The following MALRD1 variants were observed in gnomAD, a reference collection of about 807,000 sequenced individuals.
MALRD1 encodes the protein MAM and LDL receptor class A domain containing 1, also known as MAM and LDL-receptor class A domain-containing protein 1.
MALRD1 carries 247 observed loss-of-function variants against 242.1 expected under a neutral mutation model. That is an observed-to-expected ratio of 1.02 (90% CI 0.92 to 1.13). The LOEUF (loss-of-function observed/expected upper bound fraction) is 1.13. Ranked by LOEUF, MALRD1 falls within the 50% of genes most tolerant of loss-of-function variation. MALRD1 has a pLI of 0.00. For synonymous variants in MALRD1, 995 were observed against 866.6 expected (o/e 1.15, Z -2.60); for missense variants, 2,989 against 2,533.1 (o/e 1.18, Z -3.86).
intron 28 of MALRD1, among the ~76,000 whole-genome samples, chr10:19,448,813 A>C (rs927626527): frequency 6.6e-6 from 1 of 151,902 alleles, no homozygotes; most frequent in Admixed American, 6.6e-5. Flanking sequence ...AGAATTTATG[A>C]AAATCAAAAT....
intron 28 of MALRD1, among the ~76,000 whole-genome samples, chr10:19,414,426 GT>G (rs1833420461): frequency 1.3e-5 from 2 of 152,294 alleles, no homozygotes; most frequent in East Asian, 3.9e-4. Context: ...AAGATCCTAA[GT>G]TTTTTATTTG....
At chr10:19,597,807 AGG>A (rs1838173712) in intron 34 of MALRD1, among the ~76,000 whole-genome samples, 1 of 152,202 alleles carries the variant, frequency 6.6e-6, no homozygotes, top group African/African-American at 2.4e-5. Context: ...CTATGGTGCT[AGG>A]GATTCTTTAC....
At chr10:19,251,465 A>G (rs753396121) in intron 18 of MALRD1, among the ~76,000 whole-genome samples, 1 of 151,982 alleles carries the variant, frequency 6.6e-6, no homozygotes, top group Non-Finnish European at 1.5e-5. Context: ...ACTGTCTGAC[A>G]TGCAGGTAAA....
rs980931696 is a variant in MALRD1, at chr10:19,586,883, G to C, written c.5681-8311G>C. 5.9e-5 allele frequency among the ~76,000 whole-genome samples: 9 copies of C among 152,336 alleles called. No homozygotes were observed. In the Middle Eastern group the frequency reaches 0.01, roughly 173 times the overall value. The stretch of plus-strand genomic sequence containing the variant: ...CTGCGTTAGCAATCAGCGAGACTCC[G>C]TGGGCCTAGGACACTCCGAGCCAGG... On this transcript the variant is annotated intron_variant, in intron 33 of 39. Transcript: ENST00000454679.
At chr10:19,375,876 C>T (rs1421475286) in intron 26 of MALRD1, among the ~76,000 whole-genome samples, 6 of 152,214 alleles carry the variant, frequency 3.9e-5, no homozygotes, top group African/African-American at 1.4e-4. Context: ...GTAATCCCAG[C>T]ACTTTGGGAG....
intron 36 of MALRD1, among the ~76,000 whole-genome samples, chr10:19,625,724 CATT>C (rs1757635514): frequency 6.6e-6 from 1 of 152,098 alleles, no homozygotes; most frequent in African/African-American, 2.4e-5. Flanking sequence ...TGAAATATAT[CATT>C]AATAGTTGTT....
intron 18 of MALRD1, among the ~76,000 whole-genome samples, chr10:19,227,120 A>C (rs1837833191): frequency 6.6e-6 from 1 of 151,968 alleles, no homozygotes; most frequent in Non-Finnish European, 1.5e-5. Flanking sequence ...TCAAACCTAT[A>C]GGCCTTTTTG....
chr10:19,359,605 C>T (rs1341693720), intron 26 of MALRD1, among the ~76,000 whole-genome samples: 1 of 151,746 alleles, frequency 6.6e-6, no homozygotes, highest in African/African-American at 2.4e-5. Flanking sequence ...TTTTGTCTAA[C>T]TTGAGCTATA....
At chr10:19,511,370 G>A (rs1833394134) in intron 31 of MALRD1, among the ~76,000 whole-genome samples, 1 of 152,060 alleles carries the variant, frequency 6.6e-6, no homozygotes, top group South Asian at 2.1e-4. Context: ...ACAACAGACA[G>A]TTCCCTTTAA....
intron 18 of MALRD1, among the ~76,000 whole-genome samples, chr10:19,239,574 C>T (rs1838665171): frequency 6.6e-6 from 1 of 152,080 alleles, no homozygotes; most frequent in Admixed American, 6.6e-5. Context: ...TCTTTTACAA[C>T]CCAAAGTTAT....
intron 28 of MALRD1, among the ~76,000 whole-genome samples, chr10:19,414,572 A>G (rs1452468343): frequency 6.6e-6 from 1 of 152,224 alleles, no homozygotes; most frequent in African/African-American, 2.4e-5. Flanking sequence ...TGAATTGTAC[A>G]GCTGTGTCCA....
intron 12 of MALRD1, among the ~76,000 whole-genome samples, chr10:19,159,171 A>G (rs541210105): frequency 6.6e-6 from 1 of 152,294 alleles, no homozygotes; most frequent in African/African-American, 2.4e-5. Flanking sequence ...ATGCCCAGGA[A>G]AAAGCATAAC....
At chr10:19,381,861 G>T (rs1845852543) in intron 26 of MALRD1, among the ~76,000 whole-genome samples, 1 of 151,548 alleles carries the variant, frequency 6.6e-6, no homozygotes, top group African/African-American at 2.4e-5. Flanking sequence ...CAATAAAAAT[G>T]ATTATCATTA....
At chr10:19,419,130 A>G (rs1437635221) in intron 28 of MALRD1, among the ~76,000 whole-genome samples, 4 of 152,046 alleles carry the variant, frequency 2.6e-5, no homozygotes, top group Non-Finnish European at 5.9e-5. Flanking sequence ...CCTGACTCCC[A>G]CGTGATCTAT....
intron 21 of MALRD1, among the ~76,000 whole-genome samples, chr10:19,285,488 A>G (rs1841066901): frequency 6.6e-6 from 1 of 151,774 alleles, no homozygotes; most frequent in South Asian, 2.1e-4. Flanking sequence ...CAGTTTTCCC[A>G]GCACCATTTA....
chr10:19,687,597 C>G (rs1409178115), intron 36 of MALRD1, among the ~76,000 whole-genome samples: 1 of 152,154 alleles, frequency 6.6e-6, no homozygotes, highest in African/African-American at 2.4e-5. Context: ...TTACCCCAAC[C>G]AACTATAAAA....
chr10:19,691,130 C>A (rs1842799704), intron 36 of MALRD1, among the ~76,000 whole-genome samples: 1 of 152,020 alleles, frequency 6.6e-6, no homozygotes, highest in African/African-American at 2.4e-5. Context: ...ACAAGGAATG[C>A]ATCTTAAGGA....
intron 28 of MALRD1, among the ~76,000 whole-genome samples, chr10:19,440,351 T>A (rs1246188347): frequency 6.6e-6 from 1 of 152,190 alleles, no homozygotes; most frequent in South Asian, 2.1e-4. Flanking sequence ...CCATTCTTTT[T>A]TTTTATATTA....
intron 36 of MALRD1, among the ~76,000 whole-genome samples, chr10:19,646,352 G>A (rs1840654962): frequency 1.3e-5 from 2 of 152,112 alleles, no homozygotes; most frequent in African/African-American, 4.8e-5. Flanking sequence ...GCCTATAATG[G>A]CAGCACTTCG....
Sources: gnomAD v4.1 joint callset for allele counts (sites outside exome capture counted in the v4.1 genomes callset) on GRCh38, gnomAD v4.1.1 for gene constraint, MANE v1.5 for transcripts, NCBI Gene and HGNC (gene_info 2026-07-23, HGNC 2026-07-21) for gene names.